Variants in FHIT observed in about 807,000 individuals in gnomAD.
FHIT encodes the protein bis(5'-adenosyl)-triphosphatase.
In FHIT, 19 loss-of-function variants were observed where a neutral mutation model predicts 17.9. That is an observed-to-expected ratio of 1.06 (90% confidence interval 0.74 to 1.56). The LOEUF (loss-of-function observed/expected upper bound fraction) is 1.56. Ranked by LOEUF, FHIT falls within the 40% of genes most tolerant of loss-of-function variation. The pLI is 0.00. For synonymous variants in FHIT, 81 were observed against 69.7 expected, an observed-to-expected ratio of 1.16 and a Z score of -0.81; for missense variants, 248 against 189.2, an observed-to-expected ratio of 1.31 and a Z score of -1.82.
chr3:61,211,532 T>A (rs1284136865), intron 1 of FHIT, among the ~76,000 whole-genome samples: 1 of 152,132 alleles, frequency 6.6e-6, no homozygotes, highest in African/African-American at 2.4e-5. Context: ...CCACCACATC[T>A]CAAGGAGGCC....
At chr3:60,464,320 A>T (rs1022153538) in intron 5 of FHIT, among the ~76,000 whole-genome samples, 1 of 152,178 alleles carries the variant, frequency 6.6e-6, no homozygotes, top group African/African-American at 2.4e-5. Flanking sequence ...CACGTAGGGT[A>T]AATGGGATAT....
Position 60,447,830 on chromosome 3 carries a change from T to C in FHIT, c.103+89030A>G, listed in dbSNP as rs560190673. Among the ~76,000 whole-genome samples, 8 of 152,276 alleles carry C rather than the reference T, an allele frequency of 5.3e-5. No individual in the cohort carries two copies. The East Asian group carries it at 5.8e-4, about 11-fold the overall frequency. On this transcript the variant is annotated intron_variant, in intron 5 of 9. Coordinates refer to ENST00000492590, the MANE Select transcript of FHIT (RefSeq NM_002012.4). Reference sequence around the variant, plus strand: ...CCAACTTAAGCCTTTCTGTAGAATATAGTGTCCTAGATGAAGACGTATGTA... The same window carrying C: ...CCAACTTAAGCCTTTCTGTAGAATACAGTGTCCTAGATGAAGACGTATGTA...
intron 4 of FHIT, among the ~76,000 whole-genome samples, chr3:60,657,676 T>G (rs1559619223): frequency 6.6e-6 from 1 of 152,164 alleles, no homozygotes; most frequent in African/African-American, 2.4e-5. Flanking sequence ...ACTTTTGGAC[T>G]TCTGTGTCTT....
At chr3:61,191,567 G>T (rs551333045) in intron 2 of FHIT, among the ~76,000 whole-genome samples, 1 of 152,214 alleles carries the variant, frequency 6.6e-6, no homozygotes, top group African/African-American at 2.4e-5. Flanking sequence ...GAAGAATCCT[G>T]ACTAGTATAA....
chr3:60,820,791 C>T lies in FHIT; in HGVS notation c.-18+1128G>A, dbSNP rs1559747963. On this transcript the variant is annotated intron_variant, in intron 4 of 9. Transcript: ENST00000492590. ...TTATTCAATATACATATTTATTATA[C>T]ATGTTAAATTGTCTGAGACCCGGAA... Among the ~76,000 whole-genome samples, 5 of 152,086 alleles carry T rather than the reference C, an allele frequency of 3.3e-5. No homozygotes were observed. In the South Asian group the frequency reaches 1.0e-3, roughly 32 times the overall value.
intron 3 of FHIT, among the ~76,000 whole-genome samples, chr3:60,977,166 C>T (rs1418267409): frequency 6.6e-6 from 1 of 152,134 alleles, no homozygotes; most frequent in Non-Finnish European, 1.5e-5. Context: ...CATAATCACA[C>T]ACGGGGTAAA....
chr3:61,027,009 T>A (rs1898751), intron 3 of FHIT, among the ~76,000 whole-genome samples: 44,386 of 151,986 alleles, frequency 0.29, 7,605 homozygotes, highest in African/African-American at 0.48. Flanking sequence ...TATAGAATTA[T>A]ACAAATTAAA....
intron 5 of FHIT, among the ~76,000 whole-genome samples, chr3:60,404,275 G>A (rs577796169): frequency 1.3e-5 from 2 of 152,184 alleles, no homozygotes; most frequent in South Asian, 4.1e-4. Context: ...CAATGGAGAA[G>A]GTTCAAAATG....
intron 5 of FHIT, among the ~76,000 whole-genome samples, chr3:60,121,652 C>A (rs550939164): frequency 6.6e-6 from 1 of 151,674 alleles, no homozygotes. Flanking sequence ...CCATTGCACT[C>A]CAGCCTGTGA....
intron 5 of FHIT, among the ~76,000 whole-genome samples, chr3:60,184,873 G>T (rs1195554323): frequency 6.6e-6 from 1 of 152,062 alleles, no homozygotes; most frequent in Non-Finnish European, 1.5e-5. Flanking sequence ...TAATTCAATA[G>T]TGTTTATTCT....
At chr3:60,700,608 T>A (rs2041224123) in intron 4 of FHIT, among the ~76,000 whole-genome samples, 1 of 152,190 alleles carries the variant, frequency 6.6e-6, no homozygotes, top group Non-Finnish European at 1.5e-5. Flanking sequence ...CAGAGATTAC[T>A]GACTCCCAAA....
chr3:61,006,750 A>T (rs564386445), intron 3 of FHIT, among the ~76,000 whole-genome samples: 2 of 152,242 alleles, frequency 1.3e-5, no homozygotes, highest in East Asian at 3.9e-4. Flanking sequence ...AGTATTTTTG[A>T]AATAAAATAT....
intron 2 of FHIT, among the ~76,000 whole-genome samples, chr3:61,057,948 C>T (rs2034283566): frequency 1.3e-5 from 2 of 152,160 alleles, no homozygotes; most frequent in African/African-American, 4.8e-5. Flanking sequence ...CAAAACTTCT[C>T]ACTGTAGCAG....
intron 5 of FHIT, among the ~76,000 whole-genome samples, chr3:60,310,462 A>G (rs1708889973): frequency 6.6e-6 from 1 of 152,170 alleles, no homozygotes; most frequent in Non-Finnish European, 1.5e-5. Flanking sequence ...GAGACAGACA[A>G]TCAATGATAA....
At chr3:60,983,583 A>C (rs1710587956) in intron 3 of FHIT, among the ~76,000 whole-genome samples, 1 of 152,206 alleles carries the variant, frequency 6.6e-6, no homozygotes, top group Non-Finnish European at 1.5e-5. Flanking sequence ...TCACTGTAAC[A>C]GCCTTTGGCC....
chr3:59,812,479 A>G (rs1326676000), intron 8 of FHIT, among the ~76,000 whole-genome samples: 1 of 152,206 alleles, frequency 6.6e-6, no homozygotes, highest in African/African-American at 2.4e-5. Flanking sequence ...TAAGGCCAGC[A>G]TGCTGCATTA....
At chr3:60,402,435 AG>A (rs1346508769) in intron 5 of FHIT, among the ~76,000 whole-genome samples, 1 of 152,186 alleles carries the variant, frequency 6.6e-6, no homozygotes, top group Non-Finnish European at 1.5e-5. Flanking sequence ...CTCCAGGTAT[AG>A]TTATAATCCT....
chr3:60,889,681 T>A (rs565641934), intron 3 of FHIT, among the ~76,000 whole-genome samples: 1 of 152,270 alleles, frequency 6.6e-6, no homozygotes, highest in South Asian at 2.1e-4. Context: ...TATGGGTGGT[T>A]CATTTTAAAA....
At chr3:59,910,903 A>G (rs1016767668) in intron 8 of FHIT, among the ~76,000 whole-genome samples, 3 of 152,248 alleles carry the variant, frequency 2.0e-5, no homozygotes, top group East Asian at 1.9e-4. Context: ...AGAAGGAAAA[A>G]AAATTGAAAA....
Sources: gnomAD v4.1 joint callset for allele counts (sites outside exome capture counted in the v4.1 genomes callset) on GRCh38, gnomAD v4.1.1 for gene constraint, MANE v1.5 for transcripts, NCBI Gene and HGNC (gene_info 2026-07-23, HGNC 2026-07-21) for gene names.